The following PTPRD variants were observed in gnomAD, a reference collection of about 807,000 sequenced individuals.
PTPRD encodes the protein protein tyrosine phosphatase receptor type D.
Under a neutral mutation model 214.5 loss-of-function variants are expected in PTPRD, and 34 were observed. The ratio of observed to expected loss-of-function variants is 0.16; its 90% confidence interval spans 0.12 to 0.21. The LOEUF is 0.21. Ranked by LOEUF, PTPRD falls within the 10% of genes least tolerant of loss-of-function variation. The pLI is 1.00. For missense variants in PTPRD, 2,545 were observed against 2,398.7 expected, an observed-to-expected ratio of 1.06 and a Z score of -1.27; for synonymous variants, 1,128 against 845.7, an observed-to-expected ratio of 1.33 and a Z score of -5.79.
intron 9 of PTPRD, among the ~76,000 whole-genome samples, chr9:9,224,923 C>T (rs1030048471): frequency 6.6e-6 from 1 of 151,954 alleles, no homozygotes; most frequent in Non-Finnish European, 1.5e-5. Context: ...TGCTCAAAGA[C>T]CTTTTCCCCA....
chr9:8,971,092 T>C (rs964576066), intron 11 of PTPRD, among the ~76,000 whole-genome samples: 22 of 151,942 alleles, frequency 1.4e-4, no homozygotes, highest in African/African-American at 5.1e-4. Flanking sequence ...AACTTTAAAA[T>C]GTTAGAAAAC....
chr9:10,096,428 A>G (rs1301687444), intron 3 of PTPRD, among the ~76,000 whole-genome samples: 1 of 151,860 alleles, frequency 6.6e-6, no homozygotes, highest in East Asian at 1.9e-4. Context: ...AATGATCGCC[A>G]TTCTAACTGG....
At chr9:9,335,669 G>A (rs553426215) in intron 9 of PTPRD, among the ~76,000 whole-genome samples, 4 of 152,094 alleles carry the variant, frequency 2.6e-5, no homozygotes, top group South Asian at 4.2e-4. Context: ...CATATTCATT[G>A]TTTCTTTCTT....
At chr9:9,708,981 A>G (rs979230022) in intron 7 of PTPRD, among the ~76,000 whole-genome samples, 5 of 151,998 alleles carry the variant, frequency 3.3e-5, no homozygotes, top group African/African-American at 1.2e-4. Flanking sequence ...CATCAATTAT[A>G]CCATGAGCTT....
chr9:8,543,452 C>A (rs2079012183), intron 14 of PTPRD, among the ~76,000 whole-genome samples: 1 of 152,148 alleles, frequency 6.6e-6, no homozygotes, highest in Non-Finnish European at 1.5e-5. Flanking sequence ...TATGAGGCTG[C>A]TGAATAAATA....
At chr9:8,478,995 T>A (rs2096825551) in intron 30 of PTPRD, among the ~76,000 whole-genome samples, 1 of 152,176 alleles carries the variant, frequency 6.6e-6, no homozygotes, top group Admixed American at 6.5e-5. Context: ...TCTGGATAGC[T>A]TTCATCTAAA....
chr9:10,408,095 T>C (rs931476855), intron 2 of PTPRD, among the ~76,000 whole-genome samples: 5 of 151,582 alleles, frequency 3.3e-5, no homozygotes, highest in Admixed American at 2.6e-4. Flanking sequence ...CCCCATGGCA[T>C]TTCCCTGCCT....
chr9:10,199,899 G>A (rs564059708), intron 3 of PTPRD, among the ~76,000 whole-genome samples: 534 of 126,274 alleles, frequency 4.2e-3, no homozygotes, highest in African/African-American at 0.018. Flanking sequence ...ATGGGCACTC[G>A]CGCGCACACA....
In PTPRD at chr9:8,338,150, G is replaced by A. The variant is rs13286352; in HGVS notation, c.5379+772C>T. ...ATCAACTAAATAGCTTTACCCTGGA[G>A]TTTTATTCAACCCACCCACTGTGAC... On this transcript the variant is annotated intron_variant, in intron 43 of 45. Transcript: ENST00000381196. Among the ~76,000 whole-genome samples the A allele has an allele frequency of 7.6e-3, 1,157 of 152,190 alleles. 8 individuals carry two copies. The highest frequency in any genetic ancestry group is 0.013 in the Non-Finnish European group (889 of 68,002).
At chr9:9,959,421 G>C (rs1180937619) in intron 4 of PTPRD, among the ~76,000 whole-genome samples, 2 of 152,110 alleles carry the variant, frequency 1.3e-5, no homozygotes, top group Admixed American at 1.3e-4. Context: ...TATTGTAATG[G>C]TGGACACATG....
intron 4 of PTPRD, among the ~76,000 whole-genome samples, chr9:10,020,254 C>G (rs1170183112): frequency 6.6e-6 from 1 of 152,184 alleles, no homozygotes; most frequent in Non-Finnish European, 1.5e-5. Flanking sequence ...TGGCACCGCA[C>G]AATACTATCC....
chr9:10,284,452 C>G (rs919828392), intron 3 of PTPRD, among the ~76,000 whole-genome samples: 1 of 152,146 alleles, frequency 6.6e-6, no homozygotes, highest in Admixed American at 6.5e-5. Flanking sequence ...ATAAAATTAT[C>G]AAAGTTGGAA....
intron 10 of PTPRD, among the ~76,000 whole-genome samples, chr9:9,039,898 G>A (rs1220659906): frequency 6.6e-6 from 1 of 151,948 alleles, no homozygotes; most frequent in Non-Finnish European, 1.5e-5. Context: ...TGTTGACTGT[G>A]GTGCCTACCC....
intron 7 of PTPRD, among the ~76,000 whole-genome samples, chr9:9,681,857 CAGAACAT>C (rs2097080107): frequency 6.6e-6 from 1 of 151,820 alleles, no homozygotes; most frequent in African/African-American, 2.4e-5. Context: ...GGACTCTACT[CAGAACAT>C]AGAATCTGTT....
intron 9 of PTPRD, among the ~76,000 whole-genome samples, chr9:9,196,899 G>C (rs973628457): frequency 6.6e-6 from 1 of 152,056 alleles, no homozygotes; most frequent in Non-Finnish European, 1.5e-5. Flanking sequence ...CTATTCTCCT[G>C]TTGAACATAA....
At chr9:10,213,074 G>C (rs1038380514) in intron 3 of PTPRD, among the ~76,000 whole-genome samples, 3 of 152,226 alleles carry the variant, frequency 2.0e-5, no homozygotes, top group East Asian at 1.9e-4. Flanking sequence ...AGCTACACAA[G>C]TTTTCAAGTG....
At chr9:8,356,202 C>T (rs936584450) in intron 39 of PTPRD, among the ~76,000 whole-genome samples, 2 of 152,082 alleles carry the variant, frequency 1.3e-5, no homozygotes, top group African/African-American at 4.8e-5. Flanking sequence ...CAAAGCCCAC[C>T]TTTTGAGTTT....
intron 3 of PTPRD, among the ~76,000 whole-genome samples, chr9:10,119,113 C>G (rs902100283): frequency 6.6e-6 from 1 of 151,898 alleles, no homozygotes; most frequent in South Asian, 2.1e-4. Context: ...TACTGCTGAG[C>G]AGTGAAATTT....
intron 8 of PTPRD, among the ~76,000 whole-genome samples, chr9:9,549,652 C>A (rs1181886932): frequency 2.0e-5 from 3 of 152,060 alleles, no homozygotes; most frequent in African/African-American, 7.2e-5. Flanking sequence ...CATACACATG[C>A]TTCACTGATT....
Sources: gnomAD v4.1 joint callset for allele counts (sites outside exome capture counted in the v4.1 genomes callset) on GRCh38, gnomAD v4.1.1 for gene constraint, MANE v1.5 for transcripts, NCBI Gene and HGNC (gene_info 2026-07-23, HGNC 2026-07-21) for gene names.